Variants in TMEM132B observed in about 807,000 individuals in gnomAD.
TMEM132B encodes transmembrane protein 132B.
Under a neutral mutation model 90.8 loss-of-function variants are expected in TMEM132B, and 18 were observed. That is an observed-to-expected ratio of 0.20 (90% CI 0.14 to 0.29). The LOEUF (loss-of-function observed/expected upper bound fraction) is 0.29, where lower values mean the gene tolerates loss of function less well. Ranked by LOEUF, TMEM132B falls within the 10% of genes least tolerant of loss-of-function variation. The pLI is 1.00. For synonymous variants in TMEM132B, 504 were observed against 523.3 expected, an observed-to-expected ratio of 0.96 and a Z score of 0.50; for missense variants, 1,096 against 1,326.8, an observed-to-expected ratio of 0.83 and a Z score of 2.70.
intron 3 of TMEM132B, among the ~76,000 whole-genome samples, chr12:125,437,253 C>T (rs140096502): frequency 0.011 from 1,630 of 152,278 alleles, 13 homozygotes; most frequent in Non-Finnish European, 0.015. Context: ...CATTCCGATG[C>T]GCTGACTATG....
At chr12:125,242,529 C>G (rs924388604) in intron 1 of TMEM132B, among the ~76,000 whole-genome samples, 3 of 152,192 alleles carry the variant, frequency 2.0e-5, no homozygotes, top group Non-Finnish European at 4.4e-5. Flanking sequence ...GGAACCACTC[C>G]AGAACTAAGC....
rs1877476096 is a variant in TMEM132B at position 125,349,401 on chromosome 12, C to A, written c.68-51C>A. ...GGTGGAGACTGCACTGCATTTATTT[C>A]ATTACATCTCAGAACACGGTTTTAT... On this transcript the variant is annotated intron_variant, in intron 1 of 8. Transcript: ENST00000682704. This position sits in a 1 kb window ranked among gnomAD's most constrained non-coding sequence, Gnocchi z 4.1. 5.8e-6 allele frequency: 9 copies of A among 1,544,712 alleles called. No individual in the cohort carries two copies. The highest frequency in any genetic ancestry group is 7.8e-6 in the Non-Finnish European group (9 of 1,146,932).
At chr12:125,525,762 C>A (rs553934017) in intron 4 of TMEM132B, among the ~76,000 whole-genome samples, 99 of 152,240 alleles carry the variant, frequency 6.5e-4, no homozygotes, top group African/African-American at 2.2e-3. Context: ...AGCTTTCTTG[C>A]TAAAAGGGCC....
At chr12:125,303,299 CAT>C (rs746712516) in intron 1 of TMEM132B, among the ~76,000 whole-genome samples, 1 of 152,160 alleles carries the variant, frequency 6.6e-6, no homozygotes, top group Non-Finnish European at 1.5e-5. Context: ...TTTCCAGGCT[CAT>C]GCGTGTTACA....
intron 5 of TMEM132B, among the ~76,000 whole-genome samples, chr12:125,614,378 T>C (rs569372607): frequency 1.3e-5 from 2 of 152,292 alleles, no homozygotes; most frequent in South Asian, 4.1e-4. Flanking sequence ...TACTTTTTGG[T>C]TCTTGTGTTA....
chr12:125,268,644 C>T (rs1269305667), intron 1 of TMEM132B, among the ~76,000 whole-genome samples: 8 of 151,988 alleles, frequency 5.3e-5, no homozygotes, highest in Non-Finnish European at 8.8e-5. Context: ...TATATACACA[C>T]GATATTTTTG....
At chr12:125,496,865 G>A (rs532013828) in intron 3 of TMEM132B, among the ~76,000 whole-genome samples, 2 of 152,280 alleles carry the variant, frequency 1.3e-5, no homozygotes, top group African/African-American at 4.8e-5. Flanking sequence ...GGCTGTGAAC[G>A]GTATCATTGA....
intron 1 of TMEM132B, among the ~76,000 whole-genome samples, chr12:125,216,761 G>A (rs1565977017): frequency 6.6e-6 from 1 of 152,188 alleles, no homozygotes; most frequent in Non-Finnish European, 1.5e-5. Context: ...GTTGGGGAGT[G>A]CAGCCGTGGG....
chr12:125,616,890 C>T (rs1037347911), intron 5 of TMEM132B, among the ~76,000 whole-genome samples: 1 of 152,112 alleles, frequency 6.6e-6, no homozygotes, highest in Non-Finnish European at 1.5e-5. Context: ...ATCATTTCTC[C>T]ATGTGCATTA....
intron 4 of TMEM132B, among the ~76,000 whole-genome samples, chr12:125,573,465 T>C (rs1884854625): frequency 6.6e-6 from 1 of 152,228 alleles, no homozygotes; most frequent in Non-Finnish European, 1.5e-5. Flanking sequence ...TGCTAACCCA[T>C]ACTGCTGTGG....
intron 4 of TMEM132B, among the ~76,000 whole-genome samples, chr12:125,546,349 A>T (rs1884092804): frequency 6.6e-6 from 1 of 151,648 alleles, no homozygotes; most frequent in Admixed American, 6.6e-5. Context: ...CGCCCGGCTA[A>T]TTTTTTGTAT....
chr12:125,298,825 C>T (rs887271227), intron 1 of TMEM132B, among the ~76,000 whole-genome samples: 7 of 151,280 alleles, frequency 4.6e-5, no homozygotes, highest in African/African-American at 1.7e-4. Context: ...GCTCTGCCTC[C>T]TGGGTTCATG....
rs1424192526 is a variant in TMEM132B at position 125,235,243 on chromosome 12, T to C, written c.67+48377T>C. Among the ~76,000 whole-genome samples, 3 of 152,144 alleles carry C rather than the reference T, an allele frequency of 2.0e-5. No homozygotes were observed. In the East Asian group the frequency reaches 5.8e-4, roughly 29 times the overall value. The stretch of plus-strand genomic sequence containing the variant: ...AAATAAAGACAGAGTCCACAAACTC[T>C]CACATGATGTCCTGCCAAAGCTGGG... On this transcript the variant is annotated intron_variant, in intron 1 of 8. Coordinates refer to ENST00000682704, the MANE Select transcript of TMEM132B (RefSeq NM_001366854.1).
At chr12:125,382,784 A>G (rs1295451003) in intron 2 of TMEM132B, among the ~76,000 whole-genome samples, 1 of 152,242 alleles carries the variant, frequency 6.6e-6, no homozygotes, top group East Asian at 1.9e-4. Flanking sequence ...GAATTATTCC[A>G]GATCGGGCTA....
chr12:125,598,070 A>C (rs1243951113), intron 5 of TMEM132B, among the ~76,000 whole-genome samples: 1 of 152,188 alleles, frequency 6.6e-6, no homozygotes, highest in African/African-American at 2.4e-5. Flanking sequence ...GTACAAGTAA[A>C]GCTAGAGAAC....
intron 1 of TMEM132B, among the ~76,000 whole-genome samples, chr12:125,348,181 C>T (rs990062575): frequency 2.0e-5 from 3 of 151,404 alleles, no homozygotes; most frequent in Non-Finnish European, 2.9e-5. Flanking sequence ...GTAGCTCTAC[C>T]GCATTTTAAG....
chr12:125,479,101 C>T (rs1358920098), intron 3 of TMEM132B, among the ~76,000 whole-genome samples: 2 of 152,156 alleles, frequency 1.3e-5, no homozygotes, highest in African/African-American at 4.8e-5. Context: ...TACAAGAGCT[C>T]CTGAGGGAAG....
chr12:125,375,384 CCTT>C (rs1878443149), intron 2 of TMEM132B, among the ~76,000 whole-genome samples: 3 of 152,280 alleles, frequency 2.0e-5, no homozygotes, highest in South Asian at 2.1e-4. Flanking sequence ...GCCAATCTGT[CCTT>C]CTTCAGTGAT....
rs1470797380 is a variant in TMEM132B, at chr12:125,459,937, C to T, written c.1106+44260C>T. The stretch of plus-strand genomic sequence containing the variant: ...CTTGGCTCTCATTTCCCTCTCTTGC[C>T]TGCTGCCATGTAAGACGTGCCTTTC... On this transcript the variant is annotated intron_variant, in intron 3 of 8. Transcript: ENST00000682704. The surrounding 1 kb of genome is among the most constrained non-coding windows in gnomAD (Gnocchi z 4.1). Among the ~76,000 whole-genome samples the T allele has an allele frequency of 3.3e-5, 5 of 152,182 alleles. No homozygotes were observed. The highest frequency in any genetic ancestry group is 7.3e-5 in the Non-Finnish European group (5 of 68,028).
Sources: gnomAD v4.1 joint callset for allele counts (sites outside exome capture counted in the v4.1 genomes callset) on GRCh38, gnomAD v4.1.1 for gene constraint, Gnocchi (gnomAD v3.1) non-coding constraint, MANE v1.5 for transcripts, NCBI Gene and HGNC (gene_info 2026-07-23, HGNC 2026-07-21) for gene names.